Variants in PPP4R3B observed in about 807,000 individuals in gnomAD.
PPP4R3B encodes the protein protein phosphatase 4 regulatory subunit 3B.
Under a neutral mutation model 95.4 loss-of-function variants are expected in PPP4R3B, and 52 were observed. The ratio of observed to expected loss-of-function variants is 0.54; its 90% confidence interval spans 0.44 to 0.69. The LOEUF (loss-of-function observed/expected upper bound fraction) is 0.69, where lower values mean the gene tolerates loss of function less well. Among genes scored for constraint, PPP4R3B ranks in the 30% least tolerant of loss-of-function variants. PPP4R3B has a pLI of 0.00. For synonymous variants in PPP4R3B, 407 were observed against 343.9 expected (o/e 1.18, Z -2.03); for missense variants, 1,003 against 1,005.9 (o/e 1.00, Z 0.04).
At position 55,617,380 on chromosome 2, in the gene PPP4R3B, TGGCGGC is replaced by T. The variant is rs1281978428; in HGVS notation, c.-101_-96del. Reference sequence around the variant, plus strand: ...GAGACGGTAAAGGCAGTAGTGGCGGTGGCGGCGGCGGCGGCTTCGGAGAGGCCCGAA... The same window carrying T: ...GAGACGGTAAAGGCAGTAGTGGCGGTGGCGGCGGCTTCGGAGAGGCCCGAA... On this transcript the variant is annotated 5_prime_UTR_variant, in exon 1 of 17. Coordinates refer to ENST00000616407, the MANE Select transcript of PPP4R3B (RefSeq NM_001122964.3). 4.4e-6 allele frequency: 6 copies of T among 1,355,942 alleles called. No individual in the cohort carries two copies. The highest frequency in any genetic ancestry group is 3.0e-5 in the African/African-American group (2 of 67,332). The allele number at this position is 1,355,942 out of a possible 1,614,324, so 84.0% of individuals were successfully genotyped here. A position where few individuals can be genotyped will look rare whatever the true frequency, so the allele number is the denominator to read the frequency against.
chr2:55,581,591 T>C lies in PPP4R3B; in HGVS notation c.1341A>G (p.Pro447=), dbSNP rs200221798. ...LMGLLRTLID[P]ENMLATTNKT... ...CATTAGTTGTAGCCAGCATGTTCTC[T>C]GGATCAATTAGAGTACGAAGAAGTC... Residue 447 remains proline, a synonymous_variant, in exon 8 of 17, where the codon CCA becomes CCG. Coordinates refer to ENST00000616407, the MANE Select transcript of PPP4R3B (RefSeq NM_001122964.3). 6.9e-4 allele frequency: 1,109 copies of C among 1,613,172 alleles called. 27 individuals are homozygous for C. In the South Asian group the frequency reaches 0.012, roughly 17 times the overall value.
Position 55,578,291 on chromosome 2 carries a change from G to A in PPP4R3B, c.1520C>T (p.Ser507Leu), listed in dbSNP as rs1347504984. 2 of 1,481,756 alleles carry A rather than the reference G, an allele frequency of 1.3e-6. No homozygotes were observed. Among genetic ancestry groups the A allele is most frequent in the Admixed American group, 4.7e-5 (2 of 42,184 alleles). 91.8% of individuals were successfully genotyped at this position (1,481,756 alleles called of 1,614,324 possible). A position where few individuals can be genotyped will look rare whatever the true frequency, so the allele number is the denominator to read the frequency against. The change falls in exon 10 of 17, where the codon TCA (serine) becomes TTA (leucine). Residue 507 changes from serine (S) to leucine (L), a missense_variant. Ser to Leu is a moderately radical substitution (Grantham distance 145). Around this residue, in one of 3 missense-constraint regions of PPP4R3B, gnomAD observed 695 missense variants for 686.2 expected, o/e 1.01. Coordinates refer to ENST00000616407, the MANE Select transcript of PPP4R3B (RefSeq NM_001122964.3). ...RYSWSFICTP[S>L]HSHSHSTPSS... ...GGGGGTAGAATGGGAATGGGAATGT[G>A]AAGGGGTACATATGAAACTCCAACT...
At chr2:55,591,676 T>C (rs1691045819) in intron 4 of PPP4R3B, 1 of 983,990 alleles carries the variant, frequency 1.0e-6, no homozygotes, top group African/African-American at 1.7e-5. Flanking sequence ...GATTCGGTAC[T>C]TGTGAGCTGA....
intron 3 of PPP4R3B, 68 bp downstream of exon 3, chr2:55,603,910 G>A (rs1016717185): frequency 1.0e-5 from 12 of 1,158,120 alleles, no homozygotes; most frequent in Admixed American, 9.0e-5. Flanking sequence ...TATGTTTGAA[G>A]TAAAAAGGAA....
intron 12 of PPP4R3B, among the ~76,000 whole-genome samples, chr2:55,569,700 T>G (rs1687753968): frequency 6.6e-6 from 1 of 152,170 alleles, no homozygotes; most frequent in Non-Finnish European, 1.5e-5. Context: ...CCCCTTTGTC[T>G]TGTATCCAAT....
intron 4 of PPP4R3B, among the ~76,000 whole-genome samples, chr2:55,595,806 T>C (rs1482409979): frequency 6.6e-6 from 1 of 150,602 alleles, no homozygotes; most frequent in Non-Finnish European, 1.5e-5. Flanking sequence ...CATAAATGCC[T>C]GTAAGAGGGG....
intron 4 of PPP4R3B, chr2:55,591,609 A>C (rs1009555947): frequency 1.1e-5 from 11 of 983,946 alleles, no homozygotes; most frequent in Admixed American, 6.1e-5. Context: ...TATTTTCATA[A>C]GAAAAAAGTT....
In PPP4R3B at chr2:55,548,349, T is replaced by G. The variant is rs1163995862; in HGVS notation, c.*1562A>C. 1.3e-5 allele frequency: 2 copies of G among 152,650 alleles called. No individual in the cohort carries two copies. Among genetic ancestry groups the G allele is most frequent in the East Asian group, 3.8e-4 (2 of 5,202 alleles). 9.5% of individuals were successfully genotyped at this position (152,650 alleles called of 1,614,324 possible). On this transcript the variant is annotated 3_prime_UTR_variant, in exon 17 of 17. Transcript: ENST00000616407. ...TCTCAAAATGGAGTTAATTTATATTTACAACAAACCAAACACAAACATCAA... is the reference window on the plus strand; with the variant it reads ...TCTCAAAATGGAGTTAATTTATATTGACAACAAACCAAACACAAACATCAA...
chr2:55,617,104 A>G (rs1002184654), intron 1 of PPP4R3B, 40 bp downstream of exon 1: 1 of 1,559,792 alleles, frequency 6.4e-7, no homozygotes, highest in South Asian at 1.2e-5. Context: ...TGCCCCAACC[A>G]GAGGCACTAT....
At position 55,549,375 on chromosome 2, in the gene PPP4R3B, CTTTTGTT is replaced by C. The variant is rs916845865; in HGVS notation, c.*529_*535del. 6.5e-6 allele frequency: 1 copy of C among 152,916 alleles called. No homozygotes were observed. Among genetic ancestry groups the C allele is most frequent in the African/African-American group, 2.4e-5 (1 of 41,420 alleles). The allele number at this position is 152,916 out of a possible 1,614,324, so 9.5% of individuals were successfully genotyped here. ...CCCTTCAACTACCTAAAAGGCTGAACTTTTGTTAAATCTTAAAGAAATGGTCCCAACA... is the reference window on the plus strand; with the variant it reads ...CCCTTCAACTACCTAAAAGGCTGAACAAATCTTAAAGAAATGGTCCCAACA... On this transcript the variant is annotated 3_prime_UTR_variant, in exon 17 of 17. Coordinates refer to ENST00000616407, the MANE Select transcript of PPP4R3B (RefSeq NM_001122964.3).
intron 4 of PPP4R3B, among the ~76,000 whole-genome samples, chr2:55,596,956 C>T (rs1292688051): frequency 6.6e-6 from 1 of 152,102 alleles, no homozygotes; most frequent in African/African-American, 2.4e-5. Flanking sequence ...AAGAGTGAAA[C>T]TCCGTCTCAA....
At position 55,548,434 on chromosome 2, in the gene PPP4R3B, C is replaced by T. The variant is rs1290638465; in HGVS notation, c.*1477G>A. The T allele has an allele frequency of 6.6e-6, 1 of 152,598 alleles. No homozygotes were observed. The highest frequency in any genetic ancestry group is 1.5e-5 in the Non-Finnish European group (1 of 68,026). 9.5% of individuals were successfully genotyped at this position (152,598 alleles called of 1,614,324 possible). A position where few individuals can be genotyped will look rare whatever the true frequency, so the allele number is the denominator to read the frequency against. On this transcript the variant is annotated 3_prime_UTR_variant, in exon 17 of 17. Transcript: ENST00000616407. ...ATTTTACAGTTTAGCATTAATATCA[C>T]CACATGTATACAAATGGTGTAAAAC...
rs746105551 is a variant in PPP4R3B at position 55,596,737 on chromosome 2, C to T, written c.921+1679G>A. Among the ~76,000 whole-genome samples the T allele has an allele frequency of 5.9e-5, 9 of 151,764 alleles. No individual in the cohort carries two copies. The South Asian group carries it at 1.5e-3, about 25-fold the overall frequency. On this transcript the variant is annotated intron_variant, in intron 4 of 16. Transcript: ENST00000616407. ...CAGCACTTTGGGAGGCCAAGGCGGG[C>T]GGATCACCTGAGGTCAGGAGTTTGA... is the stretch of plus-strand genomic sequence containing the variant.
At chr2:55,578,157 C>G (rs1688941069) in intron 10 of PPP4R3B, 90 bp downstream of exon 10, 2 of 1,202,720 alleles carry the variant, frequency 1.7e-6, no homozygotes, top group Non-Finnish European at 1.1e-6. Context: ...AAATTTATAG[C>G]AACTTTGAAA....
chr2:55,568,072 T>C (rs1687533971), intron 13 of PPP4R3B, 122 bp downstream of exon 13: 2 of 578,018 alleles, frequency 3.5e-6, no homozygotes, highest in Admixed American at 4.2e-5. Context: ...CTAAGACACA[T>C]GGAATATATA....
chr2:55,594,861 T>C (rs926845841), intron 4 of PPP4R3B, among the ~76,000 whole-genome samples: 2 of 152,050 alleles, frequency 1.3e-5, no homozygotes, highest in Non-Finnish European at 2.9e-5. Context: ...TAACAAAAAA[T>C]TGGTAGGTGA....
intron 7 of PPP4R3B, among the ~76,000 whole-genome samples, chr2:55,583,934 G>A (rs535689046): frequency 6.6e-6 from 1 of 152,248 alleles, no homozygotes; most frequent in South Asian, 2.1e-4. Flanking sequence ...GATCGCACAT[G>A]GTGGCTCATG....
At chr2:55,569,149 T>C (rs942307363) in intron 12 of PPP4R3B, among the ~76,000 whole-genome samples, 1 of 152,036 alleles carries the variant, frequency 6.6e-6, no homozygotes, top group Non-Finnish European at 1.5e-5. Context: ...GAGCTGAGGG[T>C]ACATACTGAG....
chr2:55,576,701 CA>C (rs373478615), intron 11 of PPP4R3B, among the ~76,000 whole-genome samples: 36 of 151,590 alleles, frequency 2.4e-4, no homozygotes, highest in African/African-American at 8.2e-4. Flanking sequence ...GACTCCATCT[CA>C]AAAAAAATAA....
Sources: allele counts gnomAD v4.1 joint callset (sites outside exome capture counted in the v4.1 genomes callset), GRCh38; gene constraint gnomAD v4.1.1; regional missense constraint gnomAD v4.1.1; transcripts MANE v1.5; gene names NCBI Gene and HGNC (gene_info 2026-07-23, HGNC 2026-07-21).